The following SGCZ variants were observed in gnomAD, a reference collection of about 807,000 sequenced individuals.
The protein encoded by SGCZ is zeta-sarcoglycan.
Under a neutral mutation model 41.3 loss-of-function variants are expected in SGCZ, and 40 were observed. That is an observed-to-expected ratio of 0.97 (90% CI 0.75 to 1.26). The LOEUF (loss-of-function observed/expected upper bound fraction) is 1.26, where lower values mean the gene tolerates loss of function less well. Among genes scored for constraint, SGCZ ranks in the 50% most tolerant of loss-of-function variants. The pLI is 0.00. For synonymous variants in SGCZ, 206 were observed against 137.5 expected (o/e 1.50, Z -3.49); for missense variants, 552 against 369.8 (o/e 1.49, Z -4.04).
At chr8:14,465,976 A>G (rs1376241465) in intron 2 of SGCZ, among the ~76,000 whole-genome samples, 1 of 151,958 alleles carries the variant, frequency 6.6e-6, no homozygotes, top group Non-Finnish European at 1.5e-5. Context: ...AATCATGTAC[A>G]AAACAAACAG....
chr8:14,941,359 C>A, intron 1 of SGCZ, among the ~76,000 whole-genome samples: 1 of 152,028 alleles, frequency 6.6e-6, no homozygotes, highest in South Asian at 2.1e-4. Flanking sequence ...TCAATGTTTA[C>A]CACAAGGAAA....
At chr8:14,444,904 G>A (rs921659652) in intron 2 of SGCZ, among the ~76,000 whole-genome samples, 27 of 152,062 alleles carry the variant, frequency 1.8e-4, no homozygotes, top group African/African-American at 6.0e-4. Flanking sequence ...AAAACTCAAC[G>A]CTGGATTCCA....
At chr8:14,963,595 G>A (rs1319671547) in intron 1 of SGCZ, among the ~76,000 whole-genome samples, 12 of 152,022 alleles carry the variant, frequency 7.9e-5, no homozygotes, top group Non-Finnish European at 1.8e-4. Flanking sequence ...TGATCCACCC[G>A]CCTCAGCCTC....
chr8:14,158,780 T>G (rs1803954436), intron 5 of SGCZ, among the ~76,000 whole-genome samples: 1 of 152,178 alleles, frequency 6.6e-6, no homozygotes, highest in Non-Finnish European at 1.5e-5. Context: ...CTATGTTTGC[T>G]TGTTTTGAGA....
At chr8:14,538,550 C>A (rs528181623) in intron 2 of SGCZ, among the ~76,000 whole-genome samples, 1 of 152,002 alleles carries the variant, frequency 6.6e-6, no homozygotes, top group East Asian at 1.9e-4. Context: ...TGTTTGTGAA[C>A]CTAAATAGCT....
At position 14,209,327 on chromosome 8, in the gene SGCZ, A is replaced by G. The variant is rs577264344; in HGVS notation, c.424+28265T>C. Among the ~76,000 whole-genome samples the G allele has an allele frequency of 1.5e-4, 23 of 151,684 alleles. No individual in the cohort carries two copies. In the South Asian group the frequency reaches 4.4e-3, roughly 29 times the overall value. ...AGCCCCTCTCTCTCACCAGGGAGAG[A>G]GCTGTTCTGCTTTCTCTTTCTTTCG... On this transcript the variant is annotated intron_variant, in intron 4 of 7. Coordinates refer to ENST00000382080, the MANE Select transcript of SGCZ (RefSeq NM_139167.4).
chr8:14,274,498 A>G (rs1334138043), intron 3 of SGCZ, among the ~76,000 whole-genome samples: 3 of 152,200 alleles, frequency 2.0e-5, no homozygotes, highest in Non-Finnish European at 4.4e-5. Flanking sequence ...TAGGTTATAA[A>G]GAATGAAAAC....
intron 7 of SGCZ, 127 bp downstream of exon 7, chr8:14,102,249 A>T: frequency 9.2e-7 from 1 of 1,086,054 alleles, no homozygotes; most frequent in Non-Finnish European, 1.2e-6. Context: ...TACTTTCCTA[A>T]GTTACAACTC....
At position 14,470,662 on chromosome 8, in the gene SGCZ, T is replaced by C. The variant is rs115264422; in HGVS notation, c.234+84070A>G. Among the ~76,000 whole-genome samples the C allele has an allele frequency of 4.4e-3, 666 of 152,234 alleles. 7 individuals are homozygous for C. Among genetic ancestry groups the C allele is most frequent in the African/African-American group, 0.015 (611 of 41,546 alleles). ...ACAATAAAGACTAACTATATGACGG[T>C]TGGAGATAATCAGTAATTAAACTAA... is the stretch of plus-strand genomic sequence containing the variant. On this transcript the variant is annotated intron_variant, in intron 2 of 7. Transcript: ENST00000382080.
chr8:14,188,064 G>C (rs1418580157), intron 4 of SGCZ, among the ~76,000 whole-genome samples: 2 of 152,064 alleles, frequency 1.3e-5, no homozygotes, highest in African/African-American at 2.4e-5. Flanking sequence ...TAAAAAAAAA[G>C]TCAACCAAGA....
At chr8:14,764,920 C>G (rs1318846599) in intron 1 of SGCZ, among the ~76,000 whole-genome samples, 1 of 152,092 alleles carries the variant, frequency 6.6e-6, no homozygotes, top group Non-Finnish European at 1.5e-5. Flanking sequence ...AATGGTTGAA[C>G]AACAGCAAAT....
intron 2 of SGCZ, among the ~76,000 whole-genome samples, chr8:14,360,068 T>C (rs1803453131): frequency 6.6e-6 from 1 of 152,112 alleles, no homozygotes; most frequent in Non-Finnish European, 1.5e-5. Flanking sequence ...AGATACTTTC[T>C]TGACAAAAAC....
intron 4 of SGCZ, among the ~76,000 whole-genome samples, chr8:14,207,568 G>A (rs1805658633): frequency 6.6e-6 from 1 of 151,700 alleles, no homozygotes; most frequent in African/African-American, 2.4e-5. Flanking sequence ...TTTTTGTAGT[G>A]TGTTTTTTTT....
chr8:14,309,885 TCCCA>T (rs1324733545), intron 3 of SGCZ, among the ~76,000 whole-genome samples: 1 of 152,082 alleles, frequency 6.6e-6, no homozygotes, highest in Non-Finnish European at 1.5e-5. Flanking sequence ...GTTTCTGCTA[TCCCA>T]ATCAAAGAAT....
At chr8:15,149,415 C>T (rs1476549282) in intron 1 of SGCZ, among the ~76,000 whole-genome samples, 4 of 152,062 alleles carry the variant, frequency 2.6e-5, no homozygotes, top group Non-Finnish European at 2.9e-5. Context: ...CTTGATTTTG[C>T]AAACCTAGTA....
intron 4 of SGCZ, among the ~76,000 whole-genome samples, chr8:14,220,857 G>A (rs13279102): frequency 0.24 from 36,225 of 152,060 alleles, 5,552 homozygotes; most frequent in Non-Finnish European, 0.34. Flanking sequence ...CCATTTAAAG[G>A]TGTGGGAAGC....
intron 1 of SGCZ, among the ~76,000 whole-genome samples, chr8:15,162,996 C>G (rs1050024881): frequency 6.6e-6 from 1 of 152,140 alleles, no homozygotes; most frequent in Non-Finnish European, 1.5e-5. Context: ...GTCTTAAAAC[C>G]TTCAAAACAT....
intron 1 of SGCZ, among the ~76,000 whole-genome samples, chr8:14,838,283 T>C (rs928760065): frequency 3.9e-5 from 6 of 152,104 alleles, no homozygotes; most frequent in African/African-American, 1.2e-4. Context: ...TTGACAATAA[T>C]GTATATTTTG....
chr8:14,869,025 T>TACCA (rs1167537767), intron 1 of SGCZ, among the ~76,000 whole-genome samples: 8 of 152,138 alleles, frequency 5.3e-5, no homozygotes, highest in African/African-American at 1.9e-4. Flanking sequence ...GAGGAGCTGG[T>TACCA]ACCATTCCTT....
Sources: allele counts gnomAD v4.1 joint callset (sites outside exome capture counted in the v4.1 genomes callset), GRCh38; gene constraint gnomAD v4.1.1; transcripts MANE v1.5; gene names NCBI Gene and HGNC (gene_info 2026-07-23, HGNC 2026-07-21).